Variants in KLHL4 observed in about 807,000 individuals in gnomAD.
KLHL4 encodes kelch like family member 4.
KLHL4 carries 17 observed loss-of-function variants against 45.8 expected under a neutral mutation model. The ratio of observed to expected loss-of-function variants is 0.37; its 90% confidence interval spans 0.25 to 0.56. The LOEUF (loss-of-function observed/expected upper bound fraction) is 0.56. Among genes scored for constraint, KLHL4 ranks in the 20% least tolerant of loss-of-function variants. The probability of loss-of-function intolerance (pLI) is 0.79; values close to 1 mark genes in which losing one functional copy is unlikely to be tolerated. For synonymous variants in KLHL4, 224 were observed against 189.9 expected, an observed-to-expected ratio of 1.18 and a Z score of -1.47; for missense variants, 544 against 544.9, an observed-to-expected ratio of 1.00 and a Z score of 0.02.
intron 1 of KLHL4, among the ~76,000 whole-genome samples, chrX:87,607,578 C>T (rs2147809808): frequency 9.0e-6 from 1 of 111,661 alleles, no homozygotes; most frequent in African/African-American, 3.2e-5. Context: ...TTTAGCTTGC[C>T]ATGTATTTTG....
intron 9 of KLHL4, among the ~76,000 whole-genome samples, chrX:87,653,198 T>C (rs1388882825): frequency 9.0e-6 from 1 of 111,673 alleles, no homozygotes; most frequent in Non-Finnish European, 1.9e-5. Context: ...GTCATCCATT[T>C]TCAGTTAATT....
intron 9 of KLHL4, among the ~76,000 whole-genome samples, chrX:87,646,386 A>T (rs934917997): frequency 5.4e-5 from 6 of 111,726 alleles, no homozygotes; most frequent in Non-Finnish European, 1.1e-4. Flanking sequence ...CAGAATTAGA[A>T]AAAACAATTC....
intron 9 of KLHL4, among the ~76,000 whole-genome samples, chrX:87,636,412 G>A (rs776079828): frequency 1.9e-3 from 211 of 111,798 alleles, no homozygotes; most frequent in African/African-American, 6.7e-3. Flanking sequence ...AGTGTGTGGA[G>A]AACCATATCG....
At chrX:87,632,518 AT>A in intron 7 of KLHL4, 84 bp downstream of exon 7, 1 of 583,042 alleles carries the variant, frequency 1.7e-6, no homozygotes, top group Non-Finnish European at 2.6e-6. Flanking sequence ...CATTATTGGG[AT>A]TTAGCCAAAT....
chrX:87,550,447 G>A (rs761530692), intron 1 of KLHL4, among the ~76,000 whole-genome samples: 2 of 111,180 alleles, frequency 1.8e-5, no homozygotes, highest in African/African-American at 6.5e-5. Flanking sequence ...ATCAGTACCA[G>A]TCATTTTGAC....
chrX:87,581,741 C>G (rs1282819211), intron 1 of KLHL4, among the ~76,000 whole-genome samples: 1 of 111,962 alleles, frequency 8.9e-6, no homozygotes, highest in African/African-American at 3.2e-5. Flanking sequence ...GATGAGCCCA[C>G]AAAGATGAGA....
At chrX:87,600,484 CAAA>C (rs148536239) in intron 1 of KLHL4, among the ~76,000 whole-genome samples, 6 of 69,789 alleles carry the variant, frequency 8.6e-5, no homozygotes, top group Admixed American at 1.9e-4. Context: ...CTTCGTCTCA[CAAA>C]AAAAAAAAAA....
chrX:87,635,138 T>C (rs1244118689), intron 8 of KLHL4, among the ~76,000 whole-genome samples: 2 of 111,745 alleles, frequency 1.8e-5, no homozygotes, highest in Non-Finnish European at 3.8e-5. Context: ...TTAATGCAAA[T>C]ATAAAGTCAT....
At chrX:87,637,357 C>T (rs1364976693) in intron 9 of KLHL4, among the ~76,000 whole-genome samples, 1 of 111,647 alleles carries the variant, frequency 9.0e-6, no homozygotes, top group Non-Finnish European at 1.9e-5. Context: ...CCAGATCTTC[C>T]CTCTGACATA....
In KLHL4 at chrX:87,667,189, G is replaced by A. The variant is rs1924399387; in HGVS notation, c.*655G>A. ...CTGCCAGAGCACACATATAAATTTG[G>A]TATTTCTTAACATATTATCTTGTTA... On this transcript the variant is annotated 3_prime_UTR_variant, in exon 11 of 11. Transcript: ENST00000373119. The A allele has an allele frequency of 4.0e-6, 3 of 745,632 alleles. No individual in the cohort carries two copies. The highest frequency in any genetic ancestry group is 4.7e-6 in the Non-Finnish European group (3 of 631,902). 61.4% of individuals were successfully genotyped at this position (745,632 alleles called of 1,213,427 possible).
chrX:87,589,218 T>C (rs1324106249), intron 1 of KLHL4, among the ~76,000 whole-genome samples: 1 of 111,898 alleles, frequency 8.9e-6, no homozygotes, highest in Non-Finnish European at 1.9e-5. Context: ...GAATGTACAT[T>C]ATTACAACCA....
chrX:87,602,936 T>A (rs1243105899), intron 1 of KLHL4, among the ~76,000 whole-genome samples: 4 of 111,653 alleles, frequency 3.6e-5, no homozygotes, highest in African/African-American at 1.3e-4. Context: ...TACACACATG[T>A]GAAGAAAATC....
intron 1 of KLHL4, among the ~76,000 whole-genome samples, chrX:87,583,605 G>A (rs1299155785): frequency 1.8e-5 from 2 of 111,476 alleles, no homozygotes; most frequent in Non-Finnish European, 3.8e-5. Context: ...TGATGAAAAG[G>A]ACCTAGCCCT....
intron 1 of KLHL4, among the ~76,000 whole-genome samples, chrX:87,609,703 C>T (rs1479113390): frequency 1.8e-5 from 2 of 111,339 alleles, no homozygotes; most frequent in Admixed American, 9.6e-5. Flanking sequence ...TTCTCCCATT[C>T]TGTAGGCTGC....
At chrX:87,594,327 A>G (rs1247229191) in intron 1 of KLHL4, among the ~76,000 whole-genome samples, 1 of 111,710 alleles carries the variant, frequency 9.0e-6, no homozygotes, top group Non-Finnish European at 1.9e-5. Flanking sequence ...TCTTTCTACT[A>G]TATATTGACA....
intron 3 of KLHL4, among the ~76,000 whole-genome samples, chrX:87,616,608 C>T (rs1222743638): frequency 8.9e-6 from 1 of 111,889 alleles, no homozygotes; most frequent in African/African-American, 3.2e-5. Flanking sequence ...CTTTCTTAAG[C>T]ATGCTTGTAA....
rs759437115 is a variant in KLHL4 at position 87,614,518 on chromosome X, G to A, written c.675G>A (p.Met225Ile). Reference sequence around the variant, plus strand: ...AAGCCAAACAAGAAGAGGTCAGGATGGAAGGAGTAGATCCAAATGCACTAA... The same window carrying A: ...AAGCCAAACAAGAAGAGGTCAGGATAGAAGGAGTAGATCCAAATGCACTAA... ...VLEAKQEEVR[M>I]EGVDPNALNS... The change falls in exon 3 of 11, where the codon ATG becomes ATA. Residue 225 changes from methionine to isoleucine, a missense_variant. Met to Ile is a conservative substitution (Grantham distance 10, BLOSUM62 1). Coordinates refer to ENST00000373119, the MANE Select transcript of KLHL4 (RefSeq NM_019117.5). 1 of 1,208,840 alleles carries A rather than the reference G, an allele frequency of 8.3e-7. No individual in the cohort carries two copies. The highest frequency in any genetic ancestry group is 1.1e-6 in the Non-Finnish European group (1 of 893,556).
At chrX:87,606,196 G>T (rs1203218178) in intron 1 of KLHL4, among the ~76,000 whole-genome samples, 2 of 110,646 alleles carry the variant, frequency 1.8e-5, no homozygotes, top group Non-Finnish European at 3.8e-5. Flanking sequence ...TTGTATTCTT[G>T]TTTGGTTTTG....
At chrX:87,648,374 A>AAATC (rs1923704633) in intron 9 of KLHL4, among the ~76,000 whole-genome samples, 1 of 111,566 alleles carries the variant, frequency 9.0e-6, no homozygotes, top group Non-Finnish European at 1.9e-5. Flanking sequence ...AAACCATTGA[A>AAATC]GCAAAGAAGG....
Sources: gnomAD v4.1 joint callset for allele counts (sites outside exome capture counted in the v4.1 genomes callset) on GRCh38, gnomAD v4.1.1 for gene constraint, MANE v1.5 for transcripts, NCBI Gene and HGNC (gene_info 2026-07-23, HGNC 2026-07-21) for gene names.